SV2B: variants seen among roughly 807,000 people sequenced by gnomAD.
SV2B encodes the protein solute carrier family 22 member B2.
Under a neutral mutation model 73.9 loss-of-function variants are expected in SV2B, and 41 were observed. The observed-to-expected ratio is 0.56, with a 90% CI of 0.43 to 0.72. SV2B has a LOEUF of 0.72. Among genes scored for constraint, SV2B ranks in the 30% least tolerant of loss-of-function variants. The pLI, the probability that SV2B is intolerant of heterozygous loss-of-function variation, is 0.00. For synonymous variants in SV2B, 314 were observed against 314.2 expected (o/e 1.00, Z 0.01); for missense variants, 764 against 857.8 (o/e 0.89, Z 1.37).
rs1555470664 is a variant in SV2B, at chr15:91,137,594, T to TATATATATTTC, written c.-392+37239_-392+37240insTTCATATATAT. Among the ~76,000 whole-genome samples, 3,385 of 75,088 alleles carry TATATATATTTC rather than the reference T, an allele frequency of 0.045. 160 individuals carry two copies. The highest frequency in any genetic ancestry group is 0.12 in the African/African-American group (3,212 of 26,566). The allele number at this position is 75,088 out of a possible 152,430, so 49.3% of individuals were successfully genotyped here. On this transcript the variant is annotated intron_variant, in intron 1 of 12. Transcript: ENST00000394232. The surrounding 1 kb of genome is among the most constrained non-coding windows in gnomAD (Gnocchi z 4.9). ...AATATATATATATATATTTCTCATA[T>TATATATATTTC]ATATATATATTTCATATATATATTT... is the stretch of plus-strand genomic sequence containing the variant.
Position 91,301,941 on chromosome 15 carries a change from C to A in SV2B, c.*9389C>A, listed in dbSNP as rs932039890. ...CTGTTTTCAGAGTCAGAGCCAAGTT[C>A]TGAATGCTCATCACCTGGCATATAG... On this transcript the variant is annotated 3_prime_UTR_variant, in exon 13 of 13. Coordinates refer to ENST00000394232, the MANE Select transcript of SV2B (RefSeq NM_001323032.3). The surrounding 1 kb of genome is among the most constrained non-coding windows in gnomAD (Gnocchi z 4.3). 7.2e-5 allele frequency among the ~76,000 whole-genome samples: 11 copies of A among 152,186 alleles called. No individual in the cohort carries two copies. The highest frequency in any genetic ancestry group is 2.7e-4 in the African/African-American group (11 of 41,452).
chr15:91,152,978 G>A (rs756865652), intron 1 of SV2B, among the ~76,000 whole-genome samples: 20 of 152,192 alleles, frequency 1.3e-4, no homozygotes, highest in South Asian at 4.2e-4. Flanking sequence ...GCAGATTCGT[G>A]TCTGGAGGGG....
chr15:91,177,283 T>G (rs2044350369), intron 1 of SV2B, among the ~76,000 whole-genome samples: 1 of 152,016 alleles, frequency 6.6e-6, no homozygotes, highest in Non-Finnish European at 1.5e-5. Flanking sequence ...CATGCTGTTT[T>G]GGTTACTGTA....
rs1230295735 is a variant in SV2B at position 91,227,878 on chromosome 15, A to G, written c.451+1164A>G. Among the ~76,000 whole-genome samples the G allele has an allele frequency of 1.3e-5, 2 of 152,242 alleles. No homozygotes were observed. The highest frequency in any genetic ancestry group is 2.9e-5 in the Non-Finnish European group (2 of 68,038). The stretch of plus-strand genomic sequence containing the variant: ...CTAGCAAACAGTTCTGTAAAGACCC[A>G]GATAGTAAATATTGTAGACCTTGCA... On this transcript the variant is annotated intron_variant, in intron 2 of 12. Transcript: ENST00000394232. The surrounding 1 kb of genome is among the most constrained non-coding windows in gnomAD (Gnocchi z 4.5).
At chr15:91,165,045 AT>A (rs1395129285) in intron 1 of SV2B, among the ~76,000 whole-genome samples, 3 of 152,062 alleles carry the variant, frequency 2.0e-5, no homozygotes, top group Non-Finnish European at 2.9e-5. Flanking sequence ...GGATCAAAAA[AT>A]TTTTTTTAGG....
chr15:91,173,112 A>G (rs2044180929), intron 1 of SV2B, among the ~76,000 whole-genome samples: 1 of 152,120 alleles, frequency 6.6e-6, no homozygotes, highest in African/African-American at 2.4e-5. Flanking sequence ...CTCTGTGAGG[A>G]GGAGAAATTT....
intron 1 of SV2B, among the ~76,000 whole-genome samples, chr15:91,146,646 G>A (rs1329815532): frequency 6.6e-6 from 1 of 152,118 alleles, no homozygotes; most frequent in Non-Finnish European, 1.5e-5. Flanking sequence ...AGTTTTCCTT[G>A]TAGAGATCTT....
At chr15:91,248,318 C>CA (rs910740179) in intron 2 of SV2B, among the ~76,000 whole-genome samples, 4 of 152,186 alleles carry the variant, frequency 2.6e-5, no homozygotes, top group Admixed American at 2.0e-4. Context: ...ATCTAAAAAA[C>CA]AAAAAACAAA....
rs1045411138 is a variant in SV2B at position 91,229,515 on chromosome 15, G to T, written c.451+2801G>T. Among the ~76,000 whole-genome samples the T allele has an allele frequency of 2.6e-5, 4 of 152,204 alleles. No individual in the cohort carries two copies. Among genetic ancestry groups the T allele is most frequent in the Admixed American group, 1.3e-4 (2 of 15,282 alleles). On this transcript the variant is annotated intron_variant, in intron 2 of 12. Transcript: ENST00000394232. The surrounding 1 kb of genome is among the most constrained non-coding windows in gnomAD (Gnocchi z 4.3). ...AAGCAACGTGGCCCTGGAGCCAGTT[G>T]CTTGGATTTGAATCCTTGCTGTGCC... is the stretch of plus-strand genomic sequence containing the variant.
At position 91,224,350 on chromosome 15, in the gene SV2B, G is replaced by A. The variant is rs1210614079; in HGVS notation, c.-391-1523G>A. Among the ~76,000 whole-genome samples, 1 of 152,148 alleles carries A rather than the reference G, an allele frequency of 6.6e-6. No homozygotes were observed. The highest frequency in any genetic ancestry group is 2.4e-5 in the African/African-American group (1 of 41,428). On this transcript the variant is annotated intron_variant, in intron 1 of 12. Transcript: ENST00000394232. This position sits in a 1 kb window ranked among gnomAD's most constrained non-coding sequence, Gnocchi z 4.9. ...AGTCTCTGGTAGCCTCAATGTGTGA[G>A]GTCCGAGCATTATCCCTATCAGAGG...
chr15:91,219,515 C>A (rs1417919071), intron 1 of SV2B, among the ~76,000 whole-genome samples: 1 of 152,006 alleles, frequency 6.6e-6, no homozygotes, highest in Non-Finnish European at 1.5e-5. Flanking sequence ...GCCTATATTC[C>A]ATGGATGTTA....
intron 1 of SV2B, among the ~76,000 whole-genome samples, chr15:91,225,556 T>C (rs2046346272): frequency 6.6e-6 from 1 of 152,198 alleles, no homozygotes; most frequent in Admixed American, 6.5e-5. Flanking sequence ...TATTATACTT[T>C]AAGTTCTAGG....
chr15:91,185,041 A>G (rs996529488), intron 1 of SV2B, among the ~76,000 whole-genome samples: 5 of 152,218 alleles, frequency 3.3e-5, no homozygotes, highest in Admixed American at 1.3e-4. Context: ...TCTGAAACAG[A>G]TGTTCTGTCC....
intron 2 of SV2B, among the ~76,000 whole-genome samples, chr15:91,243,108 T>C (rs776194315): frequency 1.7e-4 from 26 of 152,208 alleles, no homozygotes; most frequent in Non-Finnish European, 2.2e-4. Flanking sequence ...CCCTGGACTA[T>C]TCCTATATCT....
At chr15:91,211,690 G>A (rs1366413331) in intron 1 of SV2B, among the ~76,000 whole-genome samples, 1 of 151,274 alleles carries the variant, frequency 6.6e-6, no homozygotes, top group Non-Finnish European at 1.5e-5. Flanking sequence ...TTTTAGTAGA[G>A]ACAGGGTTTC....
chr15:91,115,623 C>G lies in SV2B; in HGVS notation c.-392+15260C>G, dbSNP rs188477177. Among the ~76,000 whole-genome samples the G allele has an allele frequency of 1.3e-5, 2 of 152,082 alleles. No homozygotes were observed. The highest frequency in any genetic ancestry group is 1.3e-4 in the Admixed American group (2 of 15,260). On this transcript the variant is annotated intron_variant, in intron 1 of 12. Coordinates refer to ENST00000394232, the MANE Select transcript of SV2B (RefSeq NM_001323032.3). The surrounding 1 kb of genome is among the most constrained non-coding windows in gnomAD (Gnocchi z 4.3). ...AACTCCTGAACTCAAGCGATCCACC[C>G]GCCTCGACCTCTCAAAGTGCTGGGA...
chr15:91,175,633 A>G (rs2044276437), intron 1 of SV2B, among the ~76,000 whole-genome samples: 1 of 152,228 alleles, frequency 6.6e-6, no homozygotes, highest in Admixed American at 6.5e-5. Context: ...AGTATTTTAA[A>G]AGAAGACAGT....
chr15:91,153,631 C>G (rs2043387075), intron 1 of SV2B, among the ~76,000 whole-genome samples: 1 of 152,232 alleles, frequency 6.6e-6, no homozygotes, highest in East Asian at 1.9e-4. Context: ...AAGCTTGTGT[C>G]ATGCACCTGC....
intron 1 of SV2B, among the ~76,000 whole-genome samples, chr15:91,204,556 C>CTTTTTTTTTTTTTTTTT (rs568973449): frequency 7.8e-6 from 1 of 127,820 alleles, no homozygotes; most frequent in Non-Finnish European, 1.7e-5. Context: ...TCTTCTTCTT[C>CTTTTTTTTTTTTTTTTT]TTTTTTTTTT....
Sources: allele counts gnomAD v4.1 joint callset (sites outside exome capture counted in the v4.1 genomes callset), GRCh38; gene constraint gnomAD v4.1.1; non-coding constraint Gnocchi (gnomAD v3.1); transcripts MANE v1.5; gene names NCBI Gene and HGNC (gene_info 2026-07-23, HGNC 2026-07-21).